MSN: variants seen among roughly 807,000 people sequenced by gnomAD.
MSN encodes the protein moesin.
A neutral mutation model predicts 48.0 loss-of-function variants in MSN; 2 were observed. The observed-to-expected ratio is 0.04, with a 90% CI of 0.02 to 0.13. The LOEUF is 0.13. MSN is among the 10% of genes least tolerant of loss of function. The pLI, the probability that MSN is intolerant of heterozygous loss-of-function variation, is 1.00. For synonymous variants in MSN, 146 were observed against 166.9 expected (o/e 0.87, Z 0.97); for missense variants, 267 against 470.1 (o/e 0.57, Z 3.99).
At chrX:65,672,888 A>C (rs1406599068) in intron 1 of MSN, among the ~76,000 whole-genome samples, 1 of 111,723 alleles carries the variant, frequency 9.0e-6, no homozygotes. Flanking sequence ...ACATTTGGGT[A>C]CCTTCTATGT....
intron 1 of MSN, chrX:65,588,967 G>A (rs979907086): frequency 3.6e-5 from 5 of 138,108 alleles, no homozygotes; most frequent in Non-Finnish European, 7.2e-5. Context: ...GATGCTGCTG[G>A]TGCTGCTGCT....
At chrX:65,641,126 C>T (rs751156838) in intron 1 of MSN, among the ~76,000 whole-genome samples, 1 of 110,604 alleles carries the variant, frequency 9.0e-6, no homozygotes, top group African/African-American at 3.3e-5. Flanking sequence ...ATAAATAAAT[C>T]TTGGCATAAG....
intron 1 of MSN, among the ~76,000 whole-genome samples, chrX:65,709,063 A>G (rs929135070): frequency 7.1e-5 from 8 of 112,245 alleles, no homozygotes; most frequent in African/African-American, 2.3e-4. Flanking sequence ...CTGGTTTTGG[A>G]CACTTGGGTT....
chrX:65,721,077 A>G (rs918213086), intron 2 of MSN, among the ~76,000 whole-genome samples: 1 of 112,158 alleles, frequency 8.9e-6, no homozygotes, highest in African/African-American at 3.2e-5. Context: ...GATTCATTTA[A>G]TATTGACTGA....
chrX:65,600,386 G>A (rs1419306058), intron 1 of MSN, among the ~76,000 whole-genome samples: 1 of 111,614 alleles, frequency 9.0e-6, no homozygotes, highest in Non-Finnish European at 1.9e-5. Context: ...TCCATGCTGT[G>A]GTTAAACTGA....
At chrX:65,720,967 T>C (rs1248094099) in intron 2 of MSN, among the ~76,000 whole-genome samples, 1 of 112,063 alleles carries the variant, frequency 8.9e-6, no homozygotes, top group African/African-American at 3.2e-5. Context: ...TTGCTTCAAC[T>C]TCTAAAGCTT....
At chrX:65,695,476 C>T (rs1455051575) in intron 1 of MSN, among the ~76,000 whole-genome samples, 1 of 93,851 alleles carries the variant, frequency 1.1e-5, no homozygotes, top group African/African-American at 4.4e-5. Context: ...CCATTGCACT[C>T]CAGGCTGGGC....
intron 1 of MSN, among the ~76,000 whole-genome samples, chrX:65,622,265 T>G (rs1231150571): frequency 1.9e-5 from 2 of 107,335 alleles, no homozygotes; most frequent in South Asian, 8.1e-4. Flanking sequence ...TGGCTAATTT[T>G]TGTATTTTTT....
At chrX:65,656,233 C>G (rs1047786100) in intron 1 of MSN, among the ~76,000 whole-genome samples, 1 of 108,893 alleles carries the variant, frequency 9.2e-6, no homozygotes, top group African/African-American at 3.4e-5. Context: ...TTACCTAAGG[C>G]AGACTGGGAG....
chrX:65,699,546 G>A (rs897775502), intron 1 of MSN, among the ~76,000 whole-genome samples: 2 of 110,182 alleles, frequency 1.8e-5, no homozygotes, highest in Non-Finnish European at 3.8e-5. Flanking sequence ...TCGGGAGATC[G>A]AGACCATCCT....
At chrX:65,611,522 G>A (rs2070320837) in intron 1 of MSN, among the ~76,000 whole-genome samples, 1 of 111,606 alleles carries the variant, frequency 9.0e-6, no homozygotes, top group African/African-American at 3.3e-5. Context: ...CTTCATCCAT[G>A]TTGTAGCTTG....
intron 1 of MSN, among the ~76,000 whole-genome samples, chrX:65,633,624 C>T (rs959783351): frequency 1.8e-5 from 2 of 111,999 alleles, no homozygotes; most frequent in South Asian, 3.8e-4. Flanking sequence ...GATAAGGAAA[C>T]TTGCATTCTC....
chrX:65,623,859 T>G (rs2070478393), intron 1 of MSN, among the ~76,000 whole-genome samples: 2 of 109,242 alleles, frequency 1.8e-5, no homozygotes, highest in Non-Finnish European at 3.8e-5. Flanking sequence ...ATCATCTGGC[T>G]CTGGTTTTTC....
intron 1 of MSN, among the ~76,000 whole-genome samples, chrX:65,604,660 A>G (rs781559356): frequency 1.8e-5 from 2 of 112,026 alleles, no homozygotes; most frequent in African/African-American, 6.5e-5. Context: ...ACCTCAGTGA[A>G]TGGCTCCACC....
chrX:65,731,083 A>G (rs1346359790), intron 4 of MSN, 24 bp from the exon 5 acceptor site: 1 of 1,168,462 alleles, frequency 8.6e-7, no homozygotes, highest in East Asian at 3.0e-5. Context: ...GCTTTAAACT[A>G]CTCATCACCC....
At chrX:65,704,482 T>C (rs901409938) in intron 1 of MSN, among the ~76,000 whole-genome samples, 4 of 111,472 alleles carry the variant, frequency 3.6e-5, no homozygotes, top group African/African-American at 1.3e-4. Flanking sequence ...AAAACAGTTC[T>C]GGAAACAGGG....
At chrX:65,723,167 G>A (rs1354942395) in intron 2 of MSN, among the ~76,000 whole-genome samples, 1 of 111,528 alleles carries the variant, frequency 9.0e-6, no homozygotes, top group Non-Finnish European at 1.9e-5. Flanking sequence ...CTTTCTTTAG[G>A]TGTATGGGGC....
At chrX:65,658,512 G>A (rs7054026) in intron 1 of MSN, among the ~76,000 whole-genome samples, 1,589 of 112,224 alleles carry the variant, frequency 0.014, 36 homozygotes, top group African/African-American at 0.048. Flanking sequence ...ATGAAAAGCA[G>A]CCCTCAGAAA....
chrX:65,649,022 C>T (rs2070718092), intron 1 of MSN, among the ~76,000 whole-genome samples: 1 of 110,025 alleles, frequency 9.1e-6, no homozygotes, highest in Non-Finnish European at 1.9e-5. Context: ...CAAGTGAACA[C>T]CTGAATCTAG....
Sources: allele counts gnomAD v4.1 joint callset (sites outside exome capture counted in the v4.1 genomes callset), GRCh38; gene constraint gnomAD v4.1.1; transcripts MANE v1.5; gene names NCBI Gene and HGNC (gene_info 2026-07-23, HGNC 2026-07-21).